The following RAB31 variants were observed in gnomAD, a reference collection of about 807,000 sequenced individuals.
RAB31 encodes the protein RAB31, member RAS oncogene family.
Under a neutral mutation model 25.6 loss-of-function variants are expected in RAB31, and 21 were observed. That is an observed-to-expected ratio of 0.82 (90% CI 0.58 to 1.18). RAB31 has a LOEUF of 1.18. RAB31 is among the 50% of genes most tolerant of loss of function. RAB31 has a pLI of 0.00. For synonymous variants in RAB31, 87 were observed against 84.0 expected (o/e 1.04, Z -0.20); for missense variants, 196 against 250.1 (o/e 0.78, Z 1.46).
At chr18:9,833,088 A>T (rs1174501447) in intron 5 of RAB31, among the ~76,000 whole-genome samples, 1 of 152,058 alleles carries the variant, frequency 6.6e-6, no homozygotes, top group Non-Finnish European at 1.5e-5. Flanking sequence ...TGCAACCACT[A>T]CAAGAAGATG....
At chr18:9,724,300 A>C (rs1191159144) in intron 1 of RAB31, among the ~76,000 whole-genome samples, 1 of 148,890 alleles carries the variant, frequency 6.7e-6, no homozygotes, top group African/African-American at 2.5e-5. Context: ...AAAAAAAAAC[A>C]TTATTATTGA....
At chr18:9,767,831 T>C (rs1599030507) in intron 1 of RAB31, among the ~76,000 whole-genome samples, 1 of 152,272 alleles carries the variant, frequency 6.6e-6, no homozygotes, top group South Asian at 2.1e-4. Context: ...CAATCCGTCA[T>C]CTACATTAGG....
chr18:9,744,680 T>TAA (rs2068196791), intron 1 of RAB31, among the ~76,000 whole-genome samples: 2 of 152,206 alleles, frequency 1.3e-5, no homozygotes, highest in African/African-American at 4.8e-5. Flanking sequence ...CTTAAGACAT[T>TAA]GGAAGTTTTT....
In RAB31 at chr18:9,792,270, C is replaced by A. The variant is rs770659910; in HGVS notation, c.201+35C>A. Reference sequence around the variant, plus strand: ...TGCTGTTTTTTGGTGAAAACAAGATCCAGTGAAAATAAGATCAGTTTCTGA... The same window carrying A: ...TGCTGTTTTTTGGTGAAAACAAGATACAGTGAAAATAAGATCAGTTTCTGA... On this transcript the variant is annotated intron_variant, in intron 3 of 6. Transcript: ENST00000578921. 15 of 1,584,880 alleles carry A rather than the reference C, an allele frequency of 9.5e-6. No individual in the cohort carries two copies. In the South Asian group the frequency reaches 1.7e-4, roughly 18 times the overall value.
chr18:9,723,680 G>A (rs2068083214), intron 1 of RAB31: 1 of 152,222 alleles, frequency 6.6e-6, no homozygotes, highest in Non-Finnish European at 1.5e-5. Context: ...GCAGAAAGTG[G>A]AAGCGAAGTG....
intron 3 of RAB31, among the ~76,000 whole-genome samples, chr18:9,800,031 C>T (rs1395476579): frequency 6.6e-6 from 1 of 152,154 alleles, no homozygotes; most frequent in Non-Finnish European, 1.5e-5. Context: ...AGCAGGTCAG[C>T]AGGCACCTTT....
At chr18:9,736,777 T>C (rs775724907) in intron 1 of RAB31, among the ~76,000 whole-genome samples, 6 of 152,296 alleles carry the variant, frequency 3.9e-5, no homozygotes, top group Middle Eastern at 3.4e-3. Context: ...GTAAAAAAAC[T>C]TGGCTTTGTA....
chr18:9,859,565 G>C lies in RAB31; in HGVS notation c.*240G>C. 1 of 375,558 alleles carries C rather than the reference G, an allele frequency of 2.7e-6. No individual in the cohort carries two copies. Among genetic ancestry groups the C allele is most frequent in the Non-Finnish European group, 4.7e-6 (1 of 212,792 alleles). 23.3% of individuals were successfully genotyped at this position (375,558 alleles called of 1,614,324 possible). ...GCCTTTAGTGTATGAAATGCACATGGAGGGGATGTAGTTGCATTTTTGCTA... is the reference window on the plus strand; with the variant it reads ...GCCTTTAGTGTATGAAATGCACATGCAGGGGATGTAGTTGCATTTTTGCTA... On this transcript the variant is annotated 3_prime_UTR_variant, in exon 7 of 7. Coordinates refer to ENST00000578921, the MANE Select transcript of RAB31 (RefSeq NM_006868.4).
At chr18:9,805,538 A>G (rs1192052739) in intron 3 of RAB31, among the ~76,000 whole-genome samples, 1 of 152,152 alleles carries the variant, frequency 6.6e-6, no homozygotes, top group Admixed American at 6.5e-5. Context: ...CAAGGAATGC[A>G]AGATAATGTC....
chr18:9,845,305 A>G (rs2068755647), intron 5 of RAB31, among the ~76,000 whole-genome samples: 1 of 152,208 alleles, frequency 6.6e-6, no homozygotes, highest in Non-Finnish European at 1.5e-5. Flanking sequence ...GTGTACTGCC[A>G]TATTTGTCAT....
chr18:9,820,777 A>C (rs1027938658), intron 5 of RAB31, among the ~76,000 whole-genome samples: 1 of 151,920 alleles, frequency 6.6e-6, no homozygotes, highest in Non-Finnish European at 1.5e-5. Flanking sequence ...GAAATTTGAA[A>C]CTTCTCTCTT....
intron 1 of RAB31, among the ~76,000 whole-genome samples, chr18:9,712,200 T>A (rs2068021031): frequency 6.6e-6 from 1 of 152,280 alleles, no homozygotes; most frequent in African/African-American, 2.4e-5. Flanking sequence ...ATTCTCTGAA[T>A]GCTTTGTGTT....
intron 1 of RAB31, chr18:9,735,414 C>G: frequency 4.6e-6 from 1 of 218,116 alleles, no homozygotes; most frequent in East Asian, 1.1e-4. Context: ...TCTGTTTCCT[C>G]TTTAAGTGGT....
intron 1 of RAB31, among the ~76,000 whole-genome samples, chr18:9,712,285 G>A (rs765803984): frequency 6.6e-6 from 1 of 152,344 alleles, no homozygotes; most frequent in Middle Eastern, 3.4e-3. Context: ...CACATTTCAT[G>A]TGTGGACTTT....
intron 3 of RAB31, among the ~76,000 whole-genome samples, chr18:9,802,481 C>T (rs2143051079): frequency 6.6e-6 from 1 of 152,310 alleles, no homozygotes. Flanking sequence ...TCAAGATAAG[C>T]CTGGGCAACA....
chr18:9,806,187 AAG>A (rs1491259835), intron 3 of RAB31, among the ~76,000 whole-genome samples: 70 of 138,286 alleles, frequency 5.1e-4, no homozygotes, highest in South Asian at 1.0e-3. Flanking sequence ...AAAAAAAAAA[AAG>A]AAGAGCTGTG....
chr18:9,769,199 A>G (rs1259423382), intron 1 of RAB31, among the ~76,000 whole-genome samples: 1 of 152,216 alleles, frequency 6.6e-6, no homozygotes, highest in Non-Finnish European at 1.5e-5. Flanking sequence ...GTTCCATATG[A>G]AATTCAAAGT....
At chr18:9,757,624 G>A (rs1027363353) in intron 1 of RAB31, among the ~76,000 whole-genome samples, 5 of 152,146 alleles carry the variant, frequency 3.3e-5, no homozygotes, top group South Asian at 2.1e-4. Context: ...CCAGGACACC[G>A]CATGCTGGGT....
chr18:9,839,748 C>T (rs895277707), intron 5 of RAB31, among the ~76,000 whole-genome samples: 11 of 152,056 alleles, frequency 7.2e-5, no homozygotes, highest in African/African-American at 2.7e-4. Flanking sequence ...AGTCTGTGGC[C>T]CCCGAGCCTG....
Sources: gnomAD v4.1 joint callset for allele counts (sites outside exome capture counted in the v4.1 genomes callset) on GRCh38, gnomAD v4.1.1 for gene constraint, MANE v1.5 for transcripts, NCBI Gene and HGNC (gene_info 2026-07-23, HGNC 2026-07-21) for gene names.